The following STPG2 variants were observed in gnomAD, a reference collection of about 807,000 sequenced individuals.
STPG2 encodes sperm-tail PG-rich repeat-containing protein 2.
In STPG2, 56 loss-of-function variants were observed where a neutral mutation model predicts 54.2. The ratio of observed to expected loss-of-function variants is 1.03; its 90% CI spans 0.83 to 1.29. STPG2 has a LOEUF of 1.29. Among genes scored for constraint, STPG2 ranks in the 50% most tolerant of loss-of-function variants. The pLI, the probability that STPG2 is intolerant of heterozygous loss-of-function variation, is 0.00. For missense variants in STPG2, 596 were observed against 544.9 expected, an observed-to-expected ratio of 1.09 and a Z score of -0.93; for synonymous variants, 200 against 181.8, an observed-to-expected ratio of 1.10 and a Z score of -0.81.
intron 7 of STPG2, among the ~76,000 whole-genome samples, chr4:97,947,467 G>A (rs1462459431): frequency 2.6e-5 from 4 of 151,844 alleles, no homozygotes; most frequent in African/African-American, 9.7e-5. Context: ...TGAAAGTGGG[G>A]ATCTTCATCT....
chr4:97,599,958 G>A (rs909182336), intron 10 of STPG2, among the ~76,000 whole-genome samples: 8 of 152,268 alleles, frequency 5.3e-5, no homozygotes, highest in Admixed American at 5.2e-4. Context: ...GGAGCTGGAG[G>A]CCATTATCCT....
chr4:97,843,510 A>C (rs111566058), intron 8 of STPG2, among the ~76,000 whole-genome samples: 1,915 of 152,058 alleles, frequency 0.013, 37 homozygotes, highest in African/African-American at 0.044. Flanking sequence ...TTTCATTGCT[A>C]TCATCATTGC....
intron 5 of STPG2, among the ~76,000 whole-genome samples, chr4:98,019,506 T>C (rs1272683470): frequency 6.6e-6 from 1 of 151,924 alleles, no homozygotes; most frequent in East Asian, 1.9e-4. Context: ...GCGGGCTCTT[T>C]TTTGGTTCCA....
intron 5 of STPG2, among the ~76,000 whole-genome samples, chr4:98,010,933 A>G (rs1735725153): frequency 1.3e-5 from 2 of 152,108 alleles, no homozygotes; most frequent in South Asian, 2.1e-4. Flanking sequence ...CCCACATTTT[A>G]TATTATTGAT....
intron 4 of STPG2, among the ~76,000 whole-genome samples, chr4:97,494,006 A>T (rs750263971): frequency 1.2e-4 from 18 of 151,528 alleles, no homozygotes; most frequent in Non-Finnish European, 2.5e-4. Context: ...TATCAGTCCT[A>T]AGGAATTTCT....
chr4:97,560,816 T>G (rs1324885656), intron 10 of STPG2, among the ~76,000 whole-genome samples: 1 of 151,978 alleles, frequency 6.6e-6, no homozygotes. Context: ...ATGAGTAAAA[T>G]TGAGGGGAGG....
intron 9 of STPG2, among the ~76,000 whole-genome samples, chr4:97,731,592 T>A (rs984664303): frequency 5.3e-5 from 8 of 152,158 alleles, no homozygotes; most frequent in Admixed American, 1.3e-4. Context: ...TCTAGTTTTG[T>A]CCCAAGCCTT....
chr4:98,008,457 A>G (rs1463754046), intron 5 of STPG2, among the ~76,000 whole-genome samples: 2 of 152,128 alleles, frequency 1.3e-5, no homozygotes, highest in African/African-American at 4.8e-5. Flanking sequence ...AGTTCTAAAC[A>G]TGAAAACAAA....
intron 7 of STPG2, among the ~76,000 whole-genome samples, chr4:97,968,517 C>A (rs1280112429): frequency 6.6e-6 from 1 of 152,110 alleles, no homozygotes; most frequent in African/African-American, 2.4e-5. Flanking sequence ...CCCTGATGAA[C>A]ATCAATGTAA....
At chr4:97,870,018 C>T (rs775175107) in intron 8 of STPG2, among the ~76,000 whole-genome samples, 6 of 151,590 alleles carry the variant, frequency 4.0e-5, no homozygotes, top group Non-Finnish European at 8.9e-5. Flanking sequence ...TCAACCAGCA[C>T]ACAATTATTT....
chr4:98,089,064 T>A (rs938723877), intron 5 of STPG2, among the ~76,000 whole-genome samples: 7 of 152,132 alleles, frequency 4.6e-5, no homozygotes, highest in Non-Finnish European at 7.4e-5. Flanking sequence ...CATTTTTTTT[T>A]AATTTCAATA....
At chr4:97,773,994 GGTGTGT>G (rs34968031) in intron 9 of STPG2, among the ~76,000 whole-genome samples, 31 of 147,252 alleles carry the variant, frequency 2.1e-4, no homozygotes, top group South Asian at 8.7e-4. Flanking sequence ...TAAAATATAG[GGTGTGT>G]GTGTGTGTGT....
chr4:97,840,462 C>T (rs1282320459), intron 9 of STPG2, among the ~76,000 whole-genome samples: 4 of 151,206 alleles, frequency 2.6e-5, no homozygotes, highest in African/African-American at 7.3e-5. Flanking sequence ...TGGTTTTTGA[C>T]CTACACACTT....
intron 8 of STPG2, among the ~76,000 whole-genome samples, chr4:97,851,676 TACTA>T (rs778783579): frequency 1.8e-4 from 28 of 152,178 alleles, no homozygotes; most frequent in Non-Finnish European, 3.4e-4. Context: ...CTTGATCAAG[TACTA>T]ACTTTCACAA....
At chr4:97,942,436 T>G (rs899037684) in intron 8 of STPG2, among the ~76,000 whole-genome samples, 1 of 152,084 alleles carries the variant, frequency 6.6e-6, no homozygotes, top group African/African-American at 2.4e-5. Context: ...GCACTATTAG[T>G]TAAAAATTAC....
At chr4:97,665,356 T>C (rs750646500) in intron 10 of STPG2, among the ~76,000 whole-genome samples, 3 of 152,114 alleles carry the variant, frequency 2.0e-5, no homozygotes, top group Non-Finnish European at 2.9e-5. Flanking sequence ...TATTGAGCAA[T>C]AGAACAGCTC....
chr4:97,445,379 C>T (rs1729196126), intron 4 of STPG2, among the ~76,000 whole-genome samples: 2 of 152,142 alleles, frequency 1.3e-5, no homozygotes, highest in Admixed American at 1.3e-4. Context: ...TAGACCAGCA[C>T]TGTCTAATAG....
intron 7 of STPG2, among the ~76,000 whole-genome samples, chr4:97,947,344 T>A (rs749802775): frequency 1.3e-5 from 2 of 152,118 alleles, no homozygotes; most frequent in Admixed American, 6.6e-5. Flanking sequence ...ATCATATCAT[T>A]GGTGAACAGC....
intron 10 of STPG2, among the ~76,000 whole-genome samples, chr4:97,686,598 T>C (rs1438468715): frequency 2.0e-5 from 3 of 152,166 alleles, no homozygotes; most frequent in Non-Finnish European, 4.4e-5. Context: ...CAAGTTGTAA[T>C]GAGTATTCGT....
Sources: allele counts gnomAD v4.1 joint callset (sites outside exome capture counted in the v4.1 genomes callset), GRCh38; gene constraint gnomAD v4.1.1; transcripts MANE v1.5; gene names NCBI Gene and HGNC (gene_info 2026-07-23, HGNC 2026-07-21).